CD2AP: variants seen among roughly 807,000 people sequenced by gnomAD.
CD2AP encodes the protein CD2-associated protein.
Under a neutral mutation model 85.1 loss-of-function variants are expected in CD2AP, and 46 were observed. That is an observed-to-expected ratio of 0.54 (90% CI 0.43 to 0.69). CD2AP has a LOEUF of 0.69. Ranked by LOEUF, CD2AP falls within the 30% of genes least tolerant of loss-of-function variation. The pLI is 0.00. For synonymous variants in CD2AP, 255 were observed against 252.9 expected (o/e 1.01, Z -0.08); for missense variants, 769 against 729.5 (o/e 1.05, Z -0.62).
At chr6:47,560,704 A>G (rs1399185923) in intron 5 of CD2AP, among the ~76,000 whole-genome samples, 1 of 152,298 alleles carries the variant, frequency 6.6e-6, no homozygotes, top group African/African-American at 2.4e-5. Context: ...AAATTTGATT[A>G]AAATTTAATC....
At chr6:47,562,789 G>A in intron 5 of CD2AP, 1 of 1,140,242 alleles carries the variant, frequency 8.8e-7, no homozygotes, top group Non-Finnish European at 1.3e-6. Context: ...ATCCAACTGT[G>A]ATGAGCCTTT....
At chr6:47,609,332 GTAC>G in intron 16 of CD2AP, 28 bp downstream of exon 16, 2 of 1,526,760 alleles carry the variant, frequency 1.3e-6, no homozygotes, top group South Asian at 2.2e-5. Flanking sequence ...TCTCCTGTGA[GTAC>G]TACTTAACCC....
At chr6:47,599,478 A>G in intron 13 of CD2AP, 35 bp downstream of exon 13, 1 of 1,592,702 alleles carries the variant, frequency 6.3e-7, no homozygotes, top group Non-Finnish European at 8.6e-7. Context: ...TGCATTTAAA[A>G]AAAAAAATTG....
intron 2 of CD2AP, among the ~76,000 whole-genome samples, chr6:47,524,266 G>C (rs937429075): frequency 1.3e-5 from 2 of 152,130 alleles, no homozygotes; most frequent in African/African-American, 4.8e-5. Context: ...CCAGAGCTGG[G>C]CTTCTGGGAT....
At chr6:47,518,521 C>T (rs1300795279) in intron 2 of CD2AP, among the ~76,000 whole-genome samples, 1 of 152,152 alleles carries the variant, frequency 6.6e-6, no homozygotes. Context: ...TTTATGTATA[C>T]CACAGTGTTT....
At chr6:47,552,103 T>C (rs1322045525) in intron 4 of CD2AP, among the ~76,000 whole-genome samples, 1 of 152,178 alleles carries the variant, frequency 6.6e-6, no homozygotes, top group African/African-American at 2.4e-5. Context: ...TACAGCCATC[T>C]AAGTCTGAAT....
rs995573072 is a variant in CD2AP, at chr6:47,581,905, G to C, written c.1046-98G>C. 8 of 801,250 alleles carry C rather than the reference G, an allele frequency of 1.0e-5. No homozygotes were observed. The African/African-American group carries it at 1.4e-4, about 14-fold the overall frequency. 49.6% of individuals were successfully genotyped at this position (801,250 alleles called of 1,614,324 possible). ...TTTCTATTAAACCATGGTTTCATCT[G>C]ATGTTATTTTTCAACTCATCTTTAC... is the stretch of plus-strand genomic sequence containing the variant. On this transcript the variant is annotated intron_variant, in intron 10 of 17. Coordinates refer to ENST00000359314, the MANE Select transcript of CD2AP (RefSeq NM_012120.3).
At chr6:47,618,773 G>C (rs911998869) in intron 17 of CD2AP, among the ~76,000 whole-genome samples, 1 of 151,962 alleles carries the variant, frequency 6.6e-6, no homozygotes, top group Non-Finnish European at 1.5e-5. Context: ...TTCTCTTTTG[G>C]ATAATTCAGT....
chr6:47,620,987 A>C (rs1769730057), intron 17 of CD2AP, among the ~76,000 whole-genome samples: 1 of 152,206 alleles, frequency 6.6e-6, no homozygotes. Context: ...TATCGTCAGC[A>C]AACAGTGACA....
chr6:47,504,426 C>G (rs1766073967), intron 2 of CD2AP, among the ~76,000 whole-genome samples: 4 of 152,194 alleles, frequency 2.6e-5, no homozygotes, highest in Admixed American at 2.0e-4. Context: ...ATACAGTTGT[C>G]TCAGTATCCA....
At chr6:47,503,138 G>A in intron 1 of CD2AP, 142 bp from the exon 2 acceptor site, 1 of 783,676 alleles carries the variant, frequency 1.3e-6, no homozygotes, top group Non-Finnish European at 2.1e-6. Context: ...AATATTTAAA[G>A]TAATTGAAAT....
At chr6:47,535,792 A>G (rs761996388) in intron 3 of CD2AP, among the ~76,000 whole-genome samples, 16 of 152,080 alleles carry the variant, frequency 1.1e-4, no homozygotes, top group Non-Finnish European at 2.1e-4. Context: ...GCTGAGGGAG[A>G]ATTTTTAGGC....
Position 47,478,154 on chromosome 6 carries a change from C to A in CD2AP, c.-91C>A. The A allele has an allele frequency of 1.3e-6, 2 of 1,505,582 alleles. No homozygotes were observed. The highest frequency in any genetic ancestry group is 2.0e-5 in the Admixed American group (1 of 50,918). 93.3% of individuals were successfully genotyped at this position (1,505,582 alleles called of 1,614,324 possible). ...AGGGGCTAGCGCGGAGCGCGGGTCC[C>A]GCCTCCAGCCGCGGGAGCGGCCGCG... On this transcript the variant is annotated 5_prime_UTR_variant, in exon 1 of 18. Coordinates refer to ENST00000359314, the MANE Select transcript of CD2AP (RefSeq NM_012120.3).
intron 2 of CD2AP, among the ~76,000 whole-genome samples, chr6:47,529,301 G>A (rs543868387): frequency 1.9e-4 from 28 of 148,982 alleles, no homozygotes; most frequent in South Asian, 6.3e-4. Context: ...AAAAAAATTG[G>A]TTCCTAGCTG....
rs140800708 is a variant in CD2AP, at chr6:47,609,201, G to A, written c.1711G>A (p.Ala571Thr). The change falls in exon 16 of 18, where the codon GCT (alanine) becomes ACT (threonine). Residue 571 changes from alanine to threonine, a missense_variant. Coordinates refer to ENST00000359314, the MANE Select transcript of CD2AP (RefSeq NM_012120.3). ...TTTCCTGACTCCATTAGAAATCAAA[G>A]CTAAAGTGGAAACAGATGATGTGAA... ...TAFLTPLEIK[A>T]KVETDDVKKN... 74 of 1,613,156 alleles carry A rather than the reference G, an allele frequency of 4.6e-5. No individual in the cohort carries two copies. The African/African-American group carries it at 8.3e-4, about 18-fold the overall frequency.
intron 13 of CD2AP, among the ~76,000 whole-genome samples, chr6:47,601,058 A>G (rs1251257050): frequency 6.6e-6 from 1 of 151,898 alleles, no homozygotes; most frequent in Non-Finnish European, 1.5e-5. Context: ...TTTAAAATTT[A>G]GGTAAATTAC....
At chr6:47,530,609 T>C (rs1766848667) in intron 2 of CD2AP, among the ~76,000 whole-genome samples, 1 of 152,224 alleles carries the variant, frequency 6.6e-6, no homozygotes, top group Non-Finnish European at 1.5e-5. Flanking sequence ...TTTTTGGATA[T>C]TTATTACACT....
In CD2AP at chr6:47,600,906, T is replaced by G. The variant is rs187578014; in HGVS notation, c.1417+1463T>G. Among the ~76,000 whole-genome samples the G allele has an allele frequency of 2.8e-4, 42 of 151,994 alleles. No individual in the cohort carries two copies. The East Asian group carries it at 7.5e-3, about 27-fold the overall frequency. The stretch of plus-strand genomic sequence containing the variant: ...CAACTATATTTTAAATTTTCACAAA[T>G]TTGGGGGATCTTTATCACATAAGTC... On this transcript the variant is annotated intron_variant, in intron 13 of 17. Coordinates refer to ENST00000359314, the MANE Select transcript of CD2AP (RefSeq NM_012120.3).
chr6:47,576,921 G>C (rs1768329443), intron 7 of CD2AP, 88 bp from the exon 8 acceptor site: 1 of 801,622 alleles, frequency 1.2e-6, no homozygotes, highest in African/African-American at 1.7e-5. Context: ...ATAACTTTTA[G>C]TATACTTTAC....
Sources: allele counts gnomAD v4.1 joint callset (sites outside exome capture counted in the v4.1 genomes callset), GRCh38; gene constraint gnomAD v4.1.1; transcripts MANE v1.5; gene names NCBI Gene and HGNC (gene_info 2026-07-23, HGNC 2026-07-21).